R3HDM1: variants seen among roughly 807,000 people sequenced by gnomAD.
R3HDM1 encodes R3H domain-containing protein 1.
Under a neutral mutation model 141.1 loss-of-function variants are expected in R3HDM1, and 46 were observed. The observed-to-expected ratio is 0.33, with a 90% CI of 0.26 to 0.42. R3HDM1 has a LOEUF of 0.42. Ranked by LOEUF, R3HDM1 falls within the 10% of genes least tolerant of loss-of-function variation. The probability of loss-of-function intolerance (pLI) is 1.00; values close to 1 mark genes in which losing one functional copy is unlikely to be tolerated. For missense variants in R3HDM1, 1,184 were observed against 1,368.3 expected (o/e 0.87, Z 2.12); for synonymous variants, 435 against 472.9 (o/e 0.92, Z 1.04).
chr2:135,688,550 G>T (rs2071770252), intron 21 of R3HDM1, among the ~76,000 whole-genome samples: 1 of 151,860 alleles, frequency 6.6e-6, no homozygotes, highest in African/African-American at 2.4e-5. Context: ...GGACAGCATT[G>T]TTGTGAAACT....
chr2:135,571,697 G>A (rs1287584563), intron 1 of R3HDM1, among the ~76,000 whole-genome samples: 1 of 152,128 alleles, frequency 6.6e-6, no homozygotes, highest in African/African-American at 2.4e-5. Context: ...CACAATCACA[G>A]CTCACTGCAG....
chr2:135,593,354 G>A (rs142298528), intron 1 of R3HDM1, among the ~76,000 whole-genome samples: 22 of 152,278 alleles, frequency 1.4e-4, no homozygotes, highest in African/African-American at 5.3e-4. Flanking sequence ...GGTAGGTTCA[G>A]AATTAAGGCA....
At chr2:135,706,530 C>G (rs1481986266) in intron 21 of R3HDM1, among the ~76,000 whole-genome samples, 1 of 152,070 alleles carries the variant, frequency 6.6e-6, no homozygotes, top group South Asian at 2.1e-4. Context: ...TGCGGCCTTA[C>G]GCAGTGTTTG....
chr2:135,649,868 CATT>C, intron 16 of R3HDM1, 31 bp from the exon 17 acceptor site: 1 of 1,165,264 alleles, frequency 8.6e-7, no homozygotes, highest in Non-Finnish European at 1.1e-6. Context: ...TTTATTCTGA[CATT>C]AACATTGTTT....
At chr2:135,708,439 G>A (rs1039737675) in intron 21 of R3HDM1, among the ~76,000 whole-genome samples, 1 of 152,050 alleles carries the variant, frequency 6.6e-6, no homozygotes, top group African/African-American at 2.4e-5. Flanking sequence ...GCAATTATAC[G>A]AGACACAGGT....
chr2:135,583,089 G>C (rs1049991014), intron 1 of R3HDM1, among the ~76,000 whole-genome samples: 2 of 152,108 alleles, frequency 1.3e-5, no homozygotes, highest in Non-Finnish European at 2.9e-5. Context: ...GAAATTTAAC[G>C]TTTATAAGAT....
intron 5 of R3HDM1, among the ~76,000 whole-genome samples, chr2:135,618,336 A>G (rs1020497811): frequency 4.0e-5 from 6 of 151,440 alleles, no homozygotes; most frequent in Non-Finnish European, 5.9e-5. Context: ...AATTTTTTGT[A>G]TTTTTAGTAG....
intron 21 of R3HDM1, among the ~76,000 whole-genome samples, chr2:135,698,886 T>G (rs2105400948): frequency 6.6e-6 from 1 of 152,104 alleles, no homozygotes; most frequent in South Asian, 2.1e-4. Flanking sequence ...ACCTCCATGA[T>G]CCAGTCACCT....
At chr2:135,640,917 C>T (rs1252214455) in intron 14 of R3HDM1, among the ~76,000 whole-genome samples, 1 of 152,008 alleles carries the variant, frequency 6.6e-6, no homozygotes, top group East Asian at 1.9e-4. Flanking sequence ...AAGTTAACAC[C>T]AGTATAAGTA....
At position 135,680,284 on chromosome 2, in the gene R3HDM1, T is replaced by A. The variant is rs777924202; in HGVS notation, c.2419T>A (p.Tyr807Asn). The A allele has an allele frequency of 5.6e-6, 9 of 1,614,078 alleles. No individual in the cohort carries two copies. The highest frequency in any genetic ancestry group is 7.6e-6 in the Non-Finnish European group (9 of 1,179,948). The part of the protein sequence containing the change: ...GSMPTTGMPV[Y>N]YSVIPPGQQN... The stretch of plus-strand genomic sequence containing the variant: ...TATGCCCACAACAGGAATGCCTGTT[T>A]ACTATAGTGTCATTCCACCTGGTCA... Residue 807 changes from tyrosine to asparagine, a missense_variant, in exon 21 of 27, where the codon TAC (tyrosine) becomes AAC (asparagine). Physicochemically the swap from Tyr to Asn is moderately radical, Grantham distance 143 (BLOSUM62 -2). Coordinates refer to ENST00000683871, the MANE Select transcript of R3HDM1 (RefSeq NM_001378107.1).
In R3HDM1 at chr2:135,562,474, C is replaced by G. The variant is rs184885372; in HGVS notation, c.-250+30841C>G. 4.6e-3 allele frequency among the ~76,000 whole-genome samples: 703 copies of G among 152,226 alleles called. 2 individuals carry two copies. Among genetic ancestry groups the G allele is most frequent in the South Asian group, 0.015 (71 of 4,820 alleles). ...GTCGCTTATTATTTTTTTCTAGTTGCATTTCTTCTAGTAATCTAGATTATA... is the reference window on the plus strand; with the variant it reads ...GTCGCTTATTATTTTTTTCTAGTTGGATTTCTTCTAGTAATCTAGATTATA... On this transcript the variant is annotated intron_variant, in intron 1 of 26. Transcript: ENST00000683871.
intron 1 of R3HDM1, among the ~76,000 whole-genome samples, chr2:135,541,610 C>A (rs1251499034): frequency 6.6e-6 from 1 of 152,024 alleles, no homozygotes; most frequent in Non-Finnish European, 1.5e-5. Flanking sequence ...ATCAGAACAC[C>A]TACAGCATTT....
In R3HDM1 at chr2:135,680,207, A is replaced by G. The variant is rs1225596574; in HGVS notation, c.2342A>G (p.His781Arg). 2 of 1,613,898 alleles carry G rather than the reference A, an allele frequency of 1.2e-6. No individual in the cohort carries two copies. The highest frequency in any genetic ancestry group is 1.7e-6 in the Non-Finnish European group (2 of 1,179,772). ...CCTCAAGGTTCTCAAGGAATTCCCC[A>G]TCAGACTTATCAACAGCCTGTTATG... ...SLPQGSQGIP[H>R]QTYQQPVMFP... Residue 781 changes from histidine (H) to arginine (R), a missense_variant, in exon 21 of 27, where the codon CAT becomes CGT. This residue lies in a region of R3HDM1 where 563 missense variants were observed against 562.0 expected (regional missense o/e 1.00). Coordinates refer to ENST00000683871, the MANE Select transcript of R3HDM1 (RefSeq NM_001378107.1).
intron 1 of R3HDM1, chr2:135,581,459 G>A (rs1343526708): frequency 1.1e-6 from 1 of 933,900 alleles, no homozygotes; most frequent in East Asian, 1.2e-4. Context: ...CATTGGTTGT[G>A]GACTGTTGAT....
At chr2:135,654,814 T>C (rs1011887523) in intron 18 of R3HDM1, among the ~76,000 whole-genome samples, 3 of 152,098 alleles carry the variant, frequency 2.0e-5, no homozygotes, top group African/African-American at 7.2e-5. Context: ...TAGGTACATG[T>C]ATTTTTTTAA....
intron 1 of R3HDM1, among the ~76,000 whole-genome samples, chr2:135,541,163 A>G (rs922769299): frequency 3.9e-5 from 6 of 152,130 alleles, no homozygotes; most frequent in Non-Finnish European, 5.9e-5. Flanking sequence ...AGAAGGTTAA[A>G]TGAGCGCTGT....
At chr2:135,549,955 G>C (rs1413356244) in intron 1 of R3HDM1, 10 of 945,684 alleles carry the variant, frequency 1.1e-5, no homozygotes, top group Non-Finnish European at 1.3e-5. Flanking sequence ...TGTAACTTTT[G>C]TATTATAAAT....
At chr2:135,615,942 A>G (rs750510471) in intron 3 of R3HDM1, among the ~76,000 whole-genome samples, 1 of 152,260 alleles carries the variant, frequency 6.6e-6, no homozygotes, top group Non-Finnish European at 1.5e-5. Flanking sequence ...AAGAAAAATA[A>G]TAAAAATGCC....
rs558694048 is a variant in R3HDM1, at chr2:135,654,573, C to T, written c.2028+2541C>T. On this transcript the variant is annotated intron_variant, in intron 18 of 26. Coordinates refer to ENST00000683871, the MANE Select transcript of R3HDM1 (RefSeq NM_001378107.1). ...AAGCAATTCTCCTGCCTCAGCCCCC[C>T]GAGTAGCTGGGATTACAGGCGTGAG... Among the ~76,000 whole-genome samples, 38 of 152,120 alleles carry T rather than the reference C, an allele frequency of 2.5e-4. No homozygotes were observed. The South Asian group carries it at 3.7e-3, about 15-fold the overall frequency.
Sources: allele counts gnomAD v4.1 joint callset (sites outside exome capture counted in the v4.1 genomes callset), GRCh38; gene constraint gnomAD v4.1.1; regional missense constraint gnomAD v4.1.1; transcripts MANE v1.5; gene names NCBI Gene and HGNC (gene_info 2026-07-23, HGNC 2026-07-21).